The following KIRREL1 variants were observed in gnomAD, a reference collection of about 807,000 sequenced individuals.
KIRREL1 encodes kirre like nephrin family adhesion molecule 1, also known as kin of IRRE-like protein 1.
KIRREL1 carries 25 observed loss-of-function variants against 83.3 expected under a neutral mutation model. The observed-to-expected ratio is 0.30, with a 90% CI of 0.22 to 0.42. KIRREL1 has a LOEUF of 0.42. Among genes scored for constraint, KIRREL1 ranks in the 10% least tolerant of loss-of-function variants. The probability of loss-of-function intolerance (pLI) is 1.00; values close to 1 mark genes in which losing one functional copy is unlikely to be tolerated. For missense variants in KIRREL1, 812 were observed against 1,032.3 expected (o/e 0.79, Z 2.92); for synonymous variants, 388 against 410.4 (o/e 0.95, Z 0.66).
chr1:158,025,526 CA>C, intron 1 of KIRREL1: 3 of 149,630 alleles, frequency 2.0e-5, no homozygotes, highest in Non-Finnish European at 4.4e-5. Flanking sequence ...GGGGGACGGC[CA>C]AAAAATGGTC....
At chr1:158,056,836 A>C (rs1213883250) in intron 1 of KIRREL1, among the ~76,000 whole-genome samples, 2 of 152,060 alleles carry the variant, frequency 1.3e-5, no homozygotes, top group Non-Finnish European at 2.9e-5. Flanking sequence ...CCTGGGTTTC[A>C]TTTCTGAACT....
chr1:158,072,119 T>C (rs1362433592), intron 1 of KIRREL1, among the ~76,000 whole-genome samples: 4 of 152,004 alleles, frequency 2.6e-5, no homozygotes, highest in Admixed American at 6.6e-5. Context: ...CCACATTCTC[T>C]TTTTCAGGGA....
intron 1 of KIRREL1, among the ~76,000 whole-genome samples, chr1:158,029,295 A>G (rs920560043): frequency 6.7e-6 from 1 of 149,956 alleles, no homozygotes; most frequent in Non-Finnish European, 1.5e-5. Flanking sequence ...TGCATCTTCA[A>G]TAGCTGCCCT....
chr1:158,005,897 T>C (rs1001778274), intron 1 of KIRREL1, among the ~76,000 whole-genome samples: 2 of 152,174 alleles, frequency 1.3e-5, no homozygotes, highest in African/African-American at 2.4e-5. Context: ...GGAGAGAGAC[T>C]GCCTGCCTTC....
At chr1:158,018,869 G>A (rs972016032) in intron 1 of KIRREL1, among the ~76,000 whole-genome samples, 4 of 152,194 alleles carry the variant, frequency 2.6e-5, no homozygotes, top group Admixed American at 2.6e-4. Flanking sequence ...TACGAGAGAA[G>A]ATGAACCAAT....
chr1:158,015,685 T>C (rs1195447098), intron 1 of KIRREL1, among the ~76,000 whole-genome samples: 1 of 152,208 alleles, frequency 6.6e-6, no homozygotes, highest in Non-Finnish European at 1.5e-5. Flanking sequence ...TACTGTAAAT[T>C]GTATCATGAA....
chr1:158,077,811 A>G (rs11264901), intron 2 of KIRREL1, among the ~76,000 whole-genome samples, 180 bp from the exon 3 acceptor site: 100,417 of 152,116 alleles, frequency 0.66, 33,626 homozygotes, highest in East Asian at 0.76. Context: ...CTGCTCCTCC[A>G]GCTGTATGGC....
Position 158,094,641 on chromosome 1 carries a change from C to A in KIRREL1, c.1798-3C>A. ...CTCCATCCTCTTCTCTCATTGCCCC[C>A]AGGACCCCACCAATGGCTACTACAA... On this transcript the variant is annotated splice_polypyrimidine_tract_variant and splice_region_variant and intron_variant, in intron 14 of 14. Transcript: ENST00000359209. The surrounding 1 kb of genome is among the most constrained non-coding windows in gnomAD (Gnocchi z 4.6). 1 of 1,586,288 alleles carries A rather than the reference C, an allele frequency of 6.3e-7. No individual in the cohort carries two copies. The highest frequency in any genetic ancestry group is 8.6e-7 in the Non-Finnish European group (1 of 1,167,462).
chr1:158,093,722 G>T lies in KIRREL1; in HGVS notation c.1679G>T (p.Ser560Ile), dbSNP rs773407183. 3 of 1,614,226 alleles carry T rather than the reference G, an allele frequency of 1.9e-6. No individual in the cohort carries two copies. Among genetic ancestry groups the T allele is most frequent in the Non-Finnish European group, 2.5e-6 (3 of 1,180,044 alleles). Residue 560 changes from serine to isoleucine, a missense_variant, in exon 13 of 15, where the codon AGC becomes ATC. Ser to Ile is a moderately radical substitution (Grantham distance 142). Around this residue, in one of 3 missense-constraint regions of KIRREL1, gnomAD observed 334 missense variants for 383.7 expected, o/e 0.87. Coordinates refer to ENST00000359209, the MANE Select transcript of KIRREL1 (RefSeq NM_018240.7). ...MHSDREDDTASVSTATRVMKA... is the reference protein window; with the variant it reads ...MHSDREDDTAIVSTATRVMKA... Reference sequence around the variant, plus strand: ...TCTGACCGGGAGGATGACACCGCCAGCGTCTCCACAGCAACCCGGGTCATG... The same window carrying T: ...TCTGACCGGGAGGATGACACCGCCATCGTCTCCACAGCAACCCGGGTCATG...
chr1:158,019,582 G>A (rs1659943834), intron 1 of KIRREL1, among the ~76,000 whole-genome samples: 1 of 152,122 alleles, frequency 6.6e-6, no homozygotes, highest in Non-Finnish European at 1.5e-5. Flanking sequence ...TTAGACTGAG[G>A]CTTTCACTCA....
At chr1:158,088,782 C>A (rs115531471) in intron 8 of KIRREL1, among the ~76,000 whole-genome samples, 23 of 152,296 alleles carry the variant, frequency 1.5e-4, no homozygotes, top group African/African-American at 5.5e-4. Flanking sequence ...CCGCGCCCGG[C>A]CTTACTGCGT....
In KIRREL1 at chr1:158,094,966, G is replaced by GCTA; in HGVS notation, c.2122_2124dup (p.Tyr708dup). ...GCTGGGTACCCCACCTACCGACTGG[G>GCTA]CTACCCCCAGGCCCCACCCTCTGGC... On this transcript the variant is annotated inframe_insertion, in exon 15 of 15. Coordinates refer to ENST00000359209, the MANE Select transcript of KIRREL1 (RefSeq NM_018240.7). The surrounding 1 kb of genome is among the most constrained non-coding windows in gnomAD (Gnocchi z 4.6). The GCTA allele has an allele frequency of 6.2e-7, 1 of 1,613,908 alleles. No individual in the cohort carries two copies. The highest frequency in any genetic ancestry group is 8.5e-7 in the Non-Finnish European group (1 of 1,179,972).
Position 158,095,171 on chromosome 1 carries a change from A to C in KIRREL1, c.*51A>C, listed in dbSNP as rs1391955711. On this transcript the variant is annotated 3_prime_UTR_variant, in exon 15 of 15. Transcript: ENST00000359209. ...CTGCGGGGCAGAGGAGAAGGCTTTCACAGCTGTTCCCTGATATTCAGGGGC... is the reference window on the plus strand; with the variant it reads ...CTGCGGGGCAGAGGAGAAGGCTTTCCCAGCTGTTCCCTGATATTCAGGGGC... 1 of 1,299,282 alleles carries C rather than the reference A, an allele frequency of 7.7e-7. No homozygotes were observed. Among genetic ancestry groups the C allele is most frequent in the Non-Finnish European group, 1.1e-6 (1 of 938,536 alleles). 80.5% of individuals were successfully genotyped at this position (1,299,282 alleles called of 1,614,324 possible).
intron 1 of KIRREL1, among the ~76,000 whole-genome samples, chr1:158,014,073 C>T (rs1659758426): frequency 1.3e-5 from 2 of 151,770 alleles, no homozygotes; most frequent in Admixed American, 6.6e-5. Context: ...TGGGAGAGGG[C>T]TTAGTAAGAA....
rs765193105 is a variant in KIRREL1, at chr1:158,093,786, C to T, written c.1719+24C>T. On this transcript the variant is annotated intron_variant, in intron 13 of 14. Coordinates refer to ENST00000359209, the MANE Select transcript of KIRREL1 (RefSeq NM_018240.7). ...CGGTGAGGGTCCTGCTCCTCTCTGG[C>T]CTCCTGCCTTCTCCACCCTCTGAGG... is the stretch of plus-strand genomic sequence containing the variant. 2.7e-5 allele frequency: 44 copies of T among 1,612,774 alleles called. No individual in the cohort carries two copies. The East Asian group carries it at 9.8e-4, about 36-fold the overall frequency.
rs201464661 is a variant in KIRREL1, at chr1:158,088,368, G to A, written c.958G>A (p.Asp320Asn). ...AGTTGACCCCAAACCCACAACCACA[G>A]ACATTGGCTCTGATGTGACCCTTAC... The part of the protein sequence containing the change: ...IVVDPKPTTT[D>N]IGSDVTLTCV... The change falls in exon 8 of 15, where the codon GAC becomes AAC. Residue 320 changes from aspartate (D) to asparagine (N), a missense_variant. This residue lies in a region of KIRREL1 where 472 missense variants were observed against 626.8 expected (regional missense o/e 0.75). Transcript: ENST00000359209. 2 of 1,613,210 alleles carry A rather than the reference G, an allele frequency of 1.2e-6. No individual in the cohort carries two copies. The highest frequency in any genetic ancestry group is 2.2e-5 in the East Asian group (1 of 44,832).
chr1:158,021,185 G>C (rs867672859), intron 1 of KIRREL1, among the ~76,000 whole-genome samples: 9 of 152,070 alleles, frequency 5.9e-5, no homozygotes, highest in Admixed American at 3.3e-4. Flanking sequence ...TTTTTTTCTT[G>C]GTGGAATCAT....
In KIRREL1 at chr1:158,026,854, C is replaced by A. The variant is rs538187340; in HGVS notation, c.52+33126C>A. On this transcript the variant is annotated intron_variant, in intron 1 of 14. Transcript: ENST00000359209. ...AATGAAAAAAAGCAAACTGTTTTTC[C>A]TCTGCTCTGCACCCCCCCACCCCCT... Among the ~76,000 whole-genome samples the A allele has an allele frequency of 2.8e-4, 43 of 152,256 alleles. 1 individual carries two copies. The South Asian group carries it at 8.7e-3, about 31-fold the overall frequency.
At chr1:158,024,366 C>T (rs1227355906) in intron 1 of KIRREL1, among the ~76,000 whole-genome samples, 2 of 147,334 alleles carry the variant, frequency 1.4e-5, no homozygotes, top group African/African-American at 2.5e-5. Flanking sequence ...GCAACCTCCA[C>T]CTCCTGGGTT....
Sources: allele counts gnomAD v4.1 joint callset (sites outside exome capture counted in the v4.1 genomes callset), GRCh38; gene constraint gnomAD v4.1.1; regional missense constraint gnomAD v4.1.1; non-coding constraint Gnocchi (gnomAD v3.1); transcripts MANE v1.5; gene names NCBI Gene and HGNC (gene_info 2026-07-23, HGNC 2026-07-21).